Variants in GALNTL6 observed in about 807,000 individuals in gnomAD.
GALNTL6 encodes the protein polypeptide N-acetylgalactosaminyltransferase like 6.
GALNTL6 carries 46 observed loss-of-function variants against 73.7 expected under a neutral mutation model. The observed-to-expected ratio is 0.62, with a 90% confidence interval of 0.49 to 0.80. The LOEUF is 0.80. Ranked by LOEUF, GALNTL6 falls within the 30% of genes least tolerant of loss-of-function variation. GALNTL6 has a pLI of 0.00. For missense variants in GALNTL6, 604 were observed against 755.0 expected, an observed-to-expected ratio of 0.80 and a Z score of 2.34; for synonymous variants, 259 against 263.7, an observed-to-expected ratio of 0.98 and a Z score of 0.17.
intron 10 of GALNTL6, among the ~76,000 whole-genome samples, chr4:173,008,440 A>G (rs555050112): frequency 6.6e-6 from 1 of 152,310 alleles, no homozygotes; most frequent in South Asian, 2.1e-4. Context: ...TAACCATCCC[A>G]TGTTCTTTAG....
At chr4:172,043,748 G>A (rs1359935306) in intron 2 of GALNTL6, among the ~76,000 whole-genome samples, 1 of 151,960 alleles carries the variant, frequency 6.6e-6, no homozygotes, top group Non-Finnish European at 1.5e-5. Flanking sequence ...CTTTGTTGAA[G>A]ATTTTCACCA....
At chr4:172,074,969 A>G (rs1186027195) in intron 2 of GALNTL6, among the ~76,000 whole-genome samples, 1 of 152,156 alleles carries the variant, frequency 6.6e-6, no homozygotes, top group Admixed American at 6.5e-5. Flanking sequence ...GTATGTTTGA[A>G]ACATTTTGTT....
Position 172,746,882 on chromosome 4 carries a change from A to G in GALNTL6, c.554-62479A>G, listed in dbSNP as rs150552485. On this transcript the variant is annotated intron_variant, in intron 5 of 12. Transcript: ENST00000506823. Reference sequence around the variant, plus strand: ...GCAAGAGAATGAAATAAAAGCCATCAAAATAGGAAAGGATGAAGTAAAATT... The same window carrying G: ...GCAAGAGAATGAAATAAAAGCCATCGAAATAGGAAAGGATGAAGTAAAATT... Among the ~76,000 whole-genome samples, 253 of 152,216 alleles carry G rather than the reference A, an allele frequency of 1.7e-3. 1 individual carries two copies. Among genetic ancestry groups the G allele is most frequent in the African/African-American group, 5.9e-3 (246 of 41,562 alleles).
At chr4:172,656,183 G>A (rs967368250) in intron 5 of GALNTL6, among the ~76,000 whole-genome samples, 5 of 152,104 alleles carry the variant, frequency 3.3e-5, no homozygotes, top group South Asian at 2.1e-4. Flanking sequence ...CTCCCTGAGC[G>A]AGGGTTGGGT....
chr4:172,091,391 G>C (rs6553607), intron 2 of GALNTL6, among the ~76,000 whole-genome samples: 1 of 152,024 alleles, frequency 6.6e-6, no homozygotes, highest in Non-Finnish European at 1.5e-5. Context: ...TTATGAATTG[G>C]GTGAATACCT....
intron 2 of GALNTL6, among the ~76,000 whole-genome samples, chr4:171,892,035 C>T (rs1055667218): frequency 2.6e-5 from 4 of 152,202 alleles, no homozygotes; most frequent in African/African-American, 9.6e-5. Flanking sequence ...CACCTAACCT[C>T]ATGTGACAGA....
intron 7 of GALNTL6, among the ~76,000 whole-genome samples, chr4:172,839,224 C>T (rs975331131): frequency 3.9e-5 from 6 of 152,110 alleles, no homozygotes; most frequent in African/African-American, 1.2e-4. Context: ...TAGCAGTTAC[C>T]GAAGGCTGCC....
At chr4:172,408,415 T>A (rs1344942387) in intron 5 of GALNTL6, among the ~76,000 whole-genome samples, 1 of 152,066 alleles carries the variant, frequency 6.6e-6, no homozygotes, top group Non-Finnish European at 1.5e-5. Flanking sequence ...AGTCCCAACC[T>A]ATATTAGCAT....
chr4:171,980,139 G>A (rs1739853970), intron 2 of GALNTL6, among the ~76,000 whole-genome samples: 1 of 152,172 alleles, frequency 6.6e-6, no homozygotes, highest in Non-Finnish European at 1.5e-5. Context: ...GAAGAAACAG[G>A]CATTATTAAA....
chr4:172,792,357 CAT>C (rs1372640294), intron 5 of GALNTL6, among the ~76,000 whole-genome samples: 1 of 151,510 alleles, frequency 6.6e-6, no homozygotes, highest in African/African-American at 2.4e-5. Flanking sequence ...GTGTGTACTA[CAT>C]ATGTGTGTTT....
intron 2 of GALNTL6, among the ~76,000 whole-genome samples, chr4:171,873,177 A>G (rs544421567): frequency 1.3e-5 from 2 of 152,304 alleles, no homozygotes; most frequent in South Asian, 2.1e-4. Flanking sequence ...TTTGTTCTAT[A>G]TTTTAAACAA....
chr4:173,001,226 T>G (rs1371656386), intron 10 of GALNTL6, among the ~76,000 whole-genome samples: 4 of 152,200 alleles, frequency 2.6e-5, no homozygotes, highest in Non-Finnish European at 5.9e-5. Context: ...TCTTGGTCTT[T>G]TAGCCTCCAA....
At chr4:173,022,056 AAGGAAGGAAGG>A (rs1230697328) in intron 12 of GALNTL6, among the ~76,000 whole-genome samples, 8 of 126,938 alleles carry the variant, frequency 6.3e-5, no homozygotes, top group Non-Finnish European at 1.2e-4. Flanking sequence ...GGAAGGAAGG[AAGGAAGGAAGG>A]AAGGAAGGAA....
chr4:172,623,479 C>T (rs1008083394), intron 5 of GALNTL6, among the ~76,000 whole-genome samples: 3 of 151,764 alleles, frequency 2.0e-5, no homozygotes, highest in Non-Finnish European at 4.4e-5. Flanking sequence ...TATCCAAAAG[C>T]CAGAAGGACC....
intron 2 of GALNTL6, among the ~76,000 whole-genome samples, chr4:172,002,118 T>C (rs970100274): frequency 6.6e-6 from 1 of 152,150 alleles, no homozygotes; most frequent in Non-Finnish European, 1.5e-5. Context: ...TTATATATCA[T>C]CTTGCCAACT....
In GALNTL6 at chr4:171,866,285, T is replaced by C. The variant is rs1290221410; in HGVS notation, c.138+51567T>C. 2.0e-5 allele frequency among the ~76,000 whole-genome samples: 3 copies of C among 152,268 alleles called. No homozygotes were observed. The East Asian group carries it at 5.8e-4, about 29-fold the overall frequency. On this transcript the variant is annotated intron_variant, in intron 2 of 12. Transcript: ENST00000506823. ...CATCAATTAATCAATTAAATGTTTA[T>C]TTTTCTTTAATTTTTAAATTTTTTT...
At chr4:172,861,715 C>T (rs1744403242) in intron 7 of GALNTL6, among the ~76,000 whole-genome samples, 1 of 152,166 alleles carries the variant, frequency 6.6e-6, no homozygotes, top group Non-Finnish European at 1.5e-5. Flanking sequence ...ATGCTGTTCT[C>T]ATGATAGTGA....
At chr4:172,451,829 G>C (rs1579083713) in intron 5 of GALNTL6, among the ~76,000 whole-genome samples, 1 of 151,952 alleles carries the variant, frequency 6.6e-6, no homozygotes, top group African/African-American at 2.4e-5. Context: ...AACATGGAGA[G>C]ACCCAGTCTC....
intron 9 of GALNTL6, among the ~76,000 whole-genome samples, chr4:172,944,008 A>T (rs1749036058): frequency 6.6e-6 from 1 of 152,240 alleles, no homozygotes; most frequent in South Asian, 2.1e-4. Context: ...TCAATCATAG[A>T]CTTTAAATGT....
Sources: allele counts gnomAD v4.1 joint callset (sites outside exome capture counted in the v4.1 genomes callset), GRCh38; gene constraint gnomAD v4.1.1; transcripts MANE v1.5; gene names NCBI Gene and HGNC (gene_info 2026-07-23, HGNC 2026-07-21).